The following TEAD2 variants were observed in gnomAD, a reference collection of about 807,000 sequenced individuals.
TEAD2 encodes the protein transcriptional enhancer factor TEF-4.
In TEAD2, 51 loss-of-function variants were observed where a neutral mutation model predicts 61.4. The ratio of observed to expected loss-of-function variants is 0.83; its 90% confidence interval spans 0.66 to 1.05. The LOEUF (loss-of-function observed/expected upper bound fraction) is 1.05, where lower values mean the gene tolerates loss of function less well. Among genes scored for constraint, TEAD2 ranks in the 50% least tolerant of loss-of-function variants. TEAD2 has a pLI of 0.00. For synonymous variants in TEAD2, 244 were observed against 243.2 expected (o/e 1.00, Z -0.03); for missense variants, 509 against 600.0 (o/e 0.85, Z 1.58).
At chr19:49,353,659 C>A (rs945400412) in intron 7 of TEAD2, among the ~76,000 whole-genome samples, 23 of 151,834 alleles carry the variant, frequency 1.5e-4, no homozygotes, top group African/African-American at 4.4e-4. Flanking sequence ...GCTAAGCAAC[C>A]CCCCTGCAAA....
intron 9 of TEAD2, among the ~76,000 whole-genome samples, chr19:49,347,819 T>C (rs1971747747): frequency 6.6e-6 from 1 of 151,952 alleles, no homozygotes; most frequent in South Asian, 2.1e-4. Context: ...GATGGAAGAG[T>C]GAATGAATGG....
chr19:49,341,252 C>G lies in TEAD2; in HGVS notation c.*72G>C, dbSNP rs2146248187. 7.9e-7 allele frequency: 1 copy of G among 1,266,132 alleles called. No homozygotes were observed. The highest frequency in any genetic ancestry group is 2.3e-5 in the East Asian group (1 of 43,180). 78.4% of individuals were successfully genotyped at this position (1,266,132 alleles called of 1,614,324 possible). A position where few individuals can be genotyped will look rare whatever the true frequency, so the allele number is the denominator to read the frequency against. On this transcript the variant is annotated 3_prime_UTR_variant, in exon 13 of 13. Coordinates refer to ENST00000593945, the MANE Select transcript of TEAD2 (RefSeq NM_001256660.2). This position sits in a 1 kb window ranked among gnomAD's most constrained non-coding sequence, Gnocchi z 4.2. Reference sequence around the variant, plus strand: ...CACAGCCCTCTCCCCAAATAAGAAGCATGAGGTGAGCTGGAGGACCCTCCC... The same window carrying G: ...CACAGCCCTCTCCCCAAATAAGAAGGATGAGGTGAGCTGGAGGACCCTCCC...
chr19:49,361,001 CAG>C (rs1568585259), intron 1 of TEAD2, among the ~76,000 whole-genome samples: 1 of 51,250 alleles, frequency 2.0e-5, no homozygotes. Flanking sequence ...GGACAGAGAC[CAG>C]AGGGAGGGGG....
chr19:49,356,665 A>G (rs1972421837), intron 4 of TEAD2, among the ~76,000 whole-genome samples: 1 of 151,808 alleles, frequency 6.6e-6, no homozygotes, highest in Admixed American at 6.6e-5. Flanking sequence ...AAGATATGAG[A>G]CCGCCAGGAA....
At chr19:49,361,155 C>CA (rs373429897) in intron 1 of TEAD2, among the ~76,000 whole-genome samples, 18,191 of 45,892 alleles carry the variant, frequency 0.4, 2,885 homozygotes, top group African/African-American at 0.45. Context: ...GGACAGAGAC[C>CA]GGGGGGGGGG....
At chr19:49,352,568 C>G (rs1162282971) in intron 7 of TEAD2, among the ~76,000 whole-genome samples, 1 of 152,170 alleles carries the variant, frequency 6.6e-6, no homozygotes, top group East Asian at 1.9e-4. Context: ...CAGAGTTTTG[C>G]TCTTGTTGCC....
In TEAD2 at chr19:49,356,643, CA is replaced by C. The variant is rs1183500150; in HGVS notation, c.360+608del. Among the ~76,000 whole-genome samples the C allele has an allele frequency of 1.1e-4, 16 of 152,014 alleles. 1 individual carries two copies. Among genetic ancestry groups the C allele is most frequent in the African/African-American group, 3.9e-4 (16 of 41,432 alleles). ...GGAGATGAAGAGGAGGCCTTCACAGCACAAGAGGGGGAAGATATGAGACCGC... is the reference window on the plus strand; with the variant it reads ...GGAGATGAAGAGGAGGCCTTCACAGCCAAGAGGGGGAAGATATGAGACCGC... On this transcript the variant is annotated intron_variant, in intron 4 of 12. Transcript: ENST00000593945.
intron 3 of TEAD2, among the ~76,000 whole-genome samples, chr19:49,358,726 G>A (rs1047143233): frequency 4.0e-5 from 6 of 150,274 alleles, no homozygotes; most frequent in Admixed American, 1.3e-4. Context: ...TCCGCCTCCC[G>A]GGTTCAAGCG....
intron 10 of TEAD2, among the ~76,000 whole-genome samples, chr19:49,345,397 G>A (rs1971566930): frequency 6.6e-6 from 1 of 151,314 alleles, no homozygotes; most frequent in African/African-American, 2.4e-5. Flanking sequence ...CTGTCACCCA[G>A]GCTGGAGGGC....
intron 3 of TEAD2, among the ~76,000 whole-genome samples, chr19:49,358,416 AAAC>A (rs1042860004): frequency 5.4e-4 from 82 of 152,138 alleles, no homozygotes; most frequent in Admixed American, 4.6e-3. Flanking sequence ...TTTCTCTCAA[AAAC>A]AACAACAACA....
intron 7 of TEAD2, among the ~76,000 whole-genome samples, chr19:49,353,496 C>A (rs1464367269): frequency 6.6e-6 from 1 of 152,192 alleles, no homozygotes; most frequent in East Asian, 1.9e-4. Context: ...CCAGAACCTG[C>A]TGTGGTTCTT....
intron 1 of TEAD2, among the ~76,000 whole-genome samples, chr19:49,362,095 G>A (rs1274297825): frequency 6.6e-6 from 1 of 152,104 alleles, no homozygotes; most frequent in Admixed American, 6.5e-5. Flanking sequence ...CGCCGCAGAC[G>A]CACGCCCCAC....
At chr19:49,347,879 G>A (rs1017732245) in intron 9 of TEAD2, among the ~76,000 whole-genome samples, 1 of 152,220 alleles carries the variant, frequency 6.6e-6, no homozygotes, top group Non-Finnish European at 1.5e-5. Flanking sequence ...TTTATATGGT[G>A]TGGCAGAGAC....
intron 8 of TEAD2, among the ~76,000 whole-genome samples, chr19:49,349,556 G>T (rs898619072): frequency 6.6e-6 from 1 of 151,562 alleles, no homozygotes; most frequent in Non-Finnish European, 1.5e-5. Context: ...TGAATGTCTT[G>T]GTGCCTTCCC....
At position 49,359,143 on chromosome 19, in the gene TEAD2, C is replaced by G. The variant is rs1175033216; in HGVS notation, c.297+292G>C. On this transcript the variant is annotated intron_variant, in intron 3 of 12. Coordinates refer to ENST00000593945, the MANE Select transcript of TEAD2 (RefSeq NM_001256660.2). The surrounding 1 kb of genome is among the most constrained non-coding windows in gnomAD (Gnocchi z 4.1). ...ATCCCTGCTACTCGGGAGGCTGAGA[C>G]AGGAGAATTGCTTGAACCCGGGAGG... Among the ~76,000 whole-genome samples, 1 of 152,106 alleles carries G rather than the reference C, an allele frequency of 6.6e-6. No individual in the cohort carries two copies. The highest frequency in any genetic ancestry group is 1.9e-4 in the East Asian group (1 of 5,132).
At position 49,353,400 on chromosome 19, in the gene TEAD2, C is replaced by A. The variant is rs556447954; in HGVS notation, c.539+1748G>T. ...AGATGCGGGCCACCATGCCGGGCCT[C>A]CCACTCCCATTCTTCACCTGGCTAA... On this transcript the variant is annotated intron_variant, in intron 7 of 12. Coordinates refer to ENST00000593945, the MANE Select transcript of TEAD2 (RefSeq NM_001256660.2). Among the ~76,000 whole-genome samples the A allele has an allele frequency of 6.6e-5, 10 of 151,980 alleles. No individual in the cohort carries two copies. The East Asian group carries it at 1.7e-3, about 26-fold the overall frequency.
At chr19:49,349,534 G>C (rs1356421157) in intron 8 of TEAD2, among the ~76,000 whole-genome samples, 1 of 151,924 alleles carries the variant, frequency 6.6e-6, no homozygotes, top group Non-Finnish European at 1.5e-5. Context: ...GGTCATGGGG[G>C]TGGATCCCTC....
chr19:49,355,229 T>C, intron 6 of TEAD2, 23 bp from the exon 7 acceptor site: 1 of 1,613,222 alleles, frequency 6.2e-7, no homozygotes, highest in South Asian at 1.1e-5. Flanking sequence ...CAAAGAAAAA[T>C]GGTTGGTCAG....
Position 49,353,963 on chromosome 19 carries a change from T to A in TEAD2, c.539+1185A>T, listed in dbSNP as rs1199794730. 3.3e-5 allele frequency among the ~76,000 whole-genome samples: 5 copies of A among 150,888 alleles called. No homozygotes were observed. In the South Asian group the frequency reaches 6.3e-4, roughly 19 times the overall value. On this transcript the variant is annotated intron_variant, in intron 7 of 12. Coordinates refer to ENST00000593945, the MANE Select transcript of TEAD2 (RefSeq NM_001256660.2). ...GCCCAGCTAATTGTTTTTTGTTTTT[T>A]TTTTTTTGGTGTTTTTAGTAGAGAC...
Sources: allele counts gnomAD v4.1 joint callset (sites outside exome capture counted in the v4.1 genomes callset), GRCh38; gene constraint gnomAD v4.1.1; non-coding constraint Gnocchi (gnomAD v3.1); transcripts MANE v1.5; gene names NCBI Gene and HGNC (gene_info 2026-07-23, HGNC 2026-07-21).